NRDC: variants seen among roughly 807,000 people sequenced by gnomAD.
NRDC encodes nardilysin convertase, also known as nardilysin.
In NRDC, 54 loss-of-function variants were observed where a neutral mutation model predicts 147.1. That is an observed-to-expected ratio of 0.37 (90% CI 0.29 to 0.46). NRDC has a LOEUF of 0.46. Among genes scored for constraint, NRDC ranks in the 20% least tolerant of loss-of-function variants. The probability of loss-of-function intolerance (pLI) is 1.00; values close to 1 mark genes in which losing one functional copy is unlikely to be tolerated. For synonymous variants in NRDC, 440 were observed against 482.1 expected, an observed-to-expected ratio of 0.91 and a Z score of 1.14; for missense variants, 1,082 against 1,370.6, an observed-to-expected ratio of 0.79 and a Z score of 3.33.
chr1:51,841,638 C>A (rs1471774350), intron 1 of NRDC, among the ~76,000 whole-genome samples: 2 of 152,152 alleles, frequency 1.3e-5, no homozygotes, highest in African/African-American at 4.8e-5. Flanking sequence ...TGTATTTATT[C>A]AATAAACATT....
chr1:51,850,611 G>A (rs1373056601), intron 1 of NRDC, among the ~76,000 whole-genome samples: 1 of 152,200 alleles, frequency 6.6e-6, no homozygotes, highest in Admixed American at 6.5e-5. Flanking sequence ...AAGGAAGTCA[G>A]AGTCATGAGA....
rs560574241 is a variant in NRDC, at chr1:51,823,621, G to T, written c.1159+43C>A. On this transcript the variant is annotated intron_variant, in intron 7 of 30. Transcript: ENST00000352171. ...ATACAGGCAAACAAATCCTAAGAAA[G>T]CGCTACTTCAAGGTAACTCTAAGAG... is the stretch of plus-strand genomic sequence containing the variant. The T allele has an allele frequency of 1.6e-5, 25 of 1,530,412 alleles. 1 individual carries two copies. In the African/African-American group the frequency reaches 3.2e-4, roughly 19 times the overall value. 94.8% of individuals were successfully genotyped at this position (1,530,412 alleles called of 1,614,324 possible).
At chr1:51,859,265 A>T (rs184926029) in intron 1 of NRDC, among the ~76,000 whole-genome samples, 10 of 152,350 alleles carry the variant, frequency 6.6e-5, no homozygotes, top group Admixed American at 2.0e-4. Flanking sequence ...GTCTGTGTCT[A>T]TATGTGTTAC....
chr1:51,848,054 C>T (rs1179459899), intron 1 of NRDC, among the ~76,000 whole-genome samples: 1 of 152,186 alleles, frequency 6.6e-6, no homozygotes, highest in African/African-American at 2.4e-5. Flanking sequence ...TGGAGGATCA[C>T]GTCTATAAAT....
chr1:51,803,730 C>G, intron 20 of NRDC, 84 bp downstream of exon 20: 1 of 1,077,214 alleles, frequency 9.3e-7, no homozygotes, highest in Non-Finnish European at 1.3e-6. Flanking sequence ...ATTTATTTCT[C>G]TATACAGCAT....
intron 3 of NRDC, among the ~76,000 whole-genome samples, chr1:51,834,820 CAT>C (rs1459940244): frequency 5.9e-5 from 9 of 152,078 alleles, no homozygotes; most frequent in African/African-American, 1.9e-4. Flanking sequence ...AATTCACAAA[CAT>C]ATATGCAGAT....
At chr1:51,802,639 C>T (rs558800256) in intron 20 of NRDC, among the ~76,000 whole-genome samples, 101 of 152,204 alleles carry the variant, frequency 6.6e-4, no homozygotes, top group Non-Finnish European at 1.1e-3. Context: ...ATGTAATGTC[C>T]GCTGATAGTT....
chr1:51,790,799 G>A (rs1287355679), intron 28 of NRDC, 101 bp downstream of exon 28: 7 of 1,016,290 alleles, frequency 6.9e-6, no homozygotes, highest in Non-Finnish European at 9.1e-6. Context: ...AGAGGAAGGT[G>A]GGGCTGCAAA....
intron 17 of NRDC, 86 bp downstream of exon 17, chr1:51,809,229 T>C: frequency 1.2e-6 from 1 of 863,412 alleles, no homozygotes; most frequent in Admixed American, 2.0e-5. Context: ...TATAAATTCC[T>C]ACGATACTTT....
chr1:51,842,831 CGAGGCAGGTAGATTGCTG>C (rs1268010216), intron 1 of NRDC, among the ~76,000 whole-genome samples: 1 of 151,582 alleles, frequency 6.6e-6, no homozygotes, highest in Non-Finnish European at 1.5e-5. Context: ...TTTGGGAAGC[CGAGGCAGGTAGATTGCTG>C]GAGTCCAGGA....
chr1:51,812,116 A>T lies in NRDC; in HGVS notation c.1675-18T>A. The T allele has an allele frequency of 6.6e-7, 1 of 1,505,034 alleles. No individual in the cohort carries two copies. The highest frequency in any genetic ancestry group is 9.2e-7 in the Non-Finnish European group (1 of 1,081,226). 93.2% of individuals were successfully genotyped at this position (1,505,034 alleles called of 1,614,324 possible). On this transcript the variant is annotated intron_variant, in intron 14 of 30. Coordinates refer to ENST00000352171, the MANE Select transcript of NRDC (RefSeq NM_001101662.2). The stretch of plus-strand genomic sequence containing the variant: ...GGATCTGTCTGTAAAGAGGTAAATT[A>T]TTTCACACCAGAACTTCTCCATTAT...
intron 21 of NRDC, chr1:51,799,159 C>T (rs1459098719): frequency 6.6e-6 from 1 of 152,082 alleles, no homozygotes; most frequent in African/African-American, 2.4e-5. Context: ...GAGTTATTGG[C>T]AGGGCTATTC....
At chr1:51,807,285 A>C (rs564328989) in intron 17 of NRDC, among the ~76,000 whole-genome samples, 1 of 152,360 alleles carries the variant, frequency 6.6e-6, no homozygotes, top group South Asian at 2.1e-4. Context: ...TATACATTTG[A>C]AAAGTTACAA....
chr1:51,831,590 T>G (rs1213816067), intron 4 of NRDC, among the ~76,000 whole-genome samples: 1 of 151,962 alleles, frequency 6.6e-6, no homozygotes, highest in East Asian at 1.9e-4. Context: ...TTCTTTTTTT[T>G]TTTTTTGAGA....
At chr1:51,873,499 ATTT>A (rs1019301000) in intron 1 of NRDC, among the ~76,000 whole-genome samples, 3 of 149,596 alleles carry the variant, frequency 2.0e-5, no homozygotes, top group African/African-American at 4.9e-5. Flanking sequence ...TTATTTATTT[ATTT>A]ATTTATTTAT....
chr1:51,867,826 G>A (rs559485670), intron 1 of NRDC, among the ~76,000 whole-genome samples: 30 of 152,290 alleles, frequency 2.0e-4, no homozygotes, highest in Middle Eastern at 3.4e-3. Flanking sequence ...TGCAAGTACA[G>A]ATAACTCAAC....
chr1:51,830,627 C>T (rs1436399917), intron 4 of NRDC, among the ~76,000 whole-genome samples: 1 of 152,170 alleles, frequency 6.6e-6, no homozygotes, highest in Non-Finnish European at 1.5e-5. Flanking sequence ...TTTTTCACAA[C>T]CTGAAAGTGA....
intron 1 of NRDC, among the ~76,000 whole-genome samples, chr1:51,846,816 C>T (rs762222001): frequency 6.6e-6 from 1 of 152,222 alleles, no homozygotes; most frequent in African/African-American, 2.4e-5. Context: ...GTCCATTTTA[C>T]AGAGAGCCGA....
In NRDC at chr1:51,798,427, A is replaced by C; in HGVS notation, c.2442-16T>G. 6.4e-7 allele frequency: 1 copy of C among 1,564,938 alleles called. No homozygotes were observed. The highest frequency in any genetic ancestry group is 1.8e-5 in the Admixed American group (1 of 54,228). On this transcript the variant is annotated splice_polypyrimidine_tract_variant and intron_variant, in intron 21 of 30. Transcript: ENST00000352171. ...CCGTACATCTCTGTACAGAGGGCAG[A>C]AAAAAAACACTCAAAGTTTTGTTAT...
Sources: allele counts gnomAD v4.1 joint callset (sites outside exome capture counted in the v4.1 genomes callset), GRCh38; gene constraint gnomAD v4.1.1; transcripts MANE v1.5; gene names NCBI Gene and HGNC (gene_info 2026-07-23, HGNC 2026-07-21).